Variants in RIF1 observed in about 807,000 individuals in gnomAD.
RIF1 encodes replication timing regulatory factor 1.
Under a neutral mutation model 247.1 loss-of-function variants are expected in RIF1, and 45 were observed. The observed-to-expected ratio is 0.18, with a 90% CI of 0.14 to 0.23. The LOEUF is 0.23. Among genes scored for constraint, RIF1 ranks in the 10% least tolerant of loss-of-function variants. The pLI is 1.00. For missense variants in RIF1, 2,967 were observed against 2,862.5 expected, an observed-to-expected ratio of 1.04 and a Z score of -0.83; for synonymous variants, 1,087 against 978.8, an observed-to-expected ratio of 1.11 and a Z score of -2.06.
chr2:151,461,878 T>C (rs1229520403), intron 27 of RIF1, among the ~76,000 whole-genome samples: 1 of 152,070 alleles, frequency 6.6e-6, no homozygotes, highest in African/African-American at 2.4e-5. Flanking sequence ...TTTTATGTTT[T>C]GTTTTATGTT....
chr2:151,446,742 C>A (rs1039463218), intron 20 of RIF1, among the ~76,000 whole-genome samples, 167 bp downstream of exon 20: 1 of 152,042 alleles, frequency 6.6e-6, no homozygotes, highest in African/African-American at 2.4e-5. Context: ...TGTCTTTGGG[C>A]TCTAAGATTC....
intron 34 of RIF1, among the ~76,000 whole-genome samples, chr2:151,473,292 C>CT (rs11305289): frequency 0.014 from 1,796 of 125,904 alleles, 25 homozygotes; most frequent in African/African-American, 0.032. Flanking sequence ...AAATTGTATC[C>CT]TTTTTTTTTT....
chr2:151,496,437 G>C, intron 10 of RIF1: 1 of 1,520,406 alleles, frequency 6.6e-7, no homozygotes. Flanking sequence ...GGTTTTAAGG[G>C]TAAGGTCAAC....
chr2:151,459,592 A>C (rs1233083505), intron 25 of RIF1, among the ~76,000 whole-genome samples: 1 of 152,208 alleles, frequency 6.6e-6, no homozygotes, highest in Non-Finnish European at 1.5e-5. Context: ...AAAGCTATAT[A>C]TTCTGTTGAG....
the RIF1 span, chr2:151,534,153 C>T: frequency 8.5e-7 from 1 of 1,181,370 alleles, no homozygotes; most frequent in Non-Finnish European, 1.2e-6. Flanking sequence ...GACGGGATGA[C>T]ATCTCATGAG....
At position 151,477,049 on chromosome 2, in the gene RIF1, G is replaced by A. The variant is rs554400878; in HGVS notation, c.*1978G>A. ...ATCACTGAATTTTATATAAGCACAAGTATTAATTTTAAAAACATTATAGTT... is the reference window on the plus strand; with the variant it reads ...ATCACTGAATTTTATATAAGCACAAATATTAATTTTAAAAACATTATAGTT... On this transcript the variant is annotated 3_prime_UTR_variant, in exon 36 of 36. Coordinates refer to ENST00000444746, the MANE Select transcript of RIF1 (RefSeq NM_018151.5). The A allele has an allele frequency of 3.3e-5, 5 of 152,142 alleles. No individual in the cohort carries two copies. The highest frequency in any genetic ancestry group is 1.2e-4 in the African/African-American group (5 of 41,432). 9.4% of individuals were successfully genotyped at this position (152,142 alleles called of 1,614,324 possible).
chr2:151,439,644 G>A (rs1357502896), intron 14 of RIF1, among the ~76,000 whole-genome samples: 1 of 149,868 alleles, frequency 6.7e-6, no homozygotes, highest in Non-Finnish European at 1.5e-5. Flanking sequence ...ACTCCAGCCT[G>A]GGCAATAAGA....
Position 151,464,978 on chromosome 2 carries a change from G to C in RIF1, c.5458G>C (p.Glu1820Gln). Residue 1820 changes from glutamate to glutamine, a missense_variant, in exon 30 of 36, where the codon GAA becomes CAA. Around this residue, in one of 7 missense-constraint regions of RIF1, gnomAD observed 2,028 missense variants for 1,825.6 expected, o/e 1.11. Transcript: ENST00000444746. ...SLIVSETKSK[E>Q]NTMQESLPSG... ...AATTGTTTCTGAAACCAAATCAAAA[G>C]AAAACACTATGCAAGAATCTCTTCC... 4 of 1,575,360 alleles carry C rather than the reference G, an allele frequency of 2.5e-6. No individual in the cohort carries two copies. Among genetic ancestry groups the C allele is most frequent in the Non-Finnish European group, 3.4e-6 (4 of 1,168,694 alleles).
chr2:151,523,700 C>T, the RIF1 span, among the ~76,000 whole-genome samples: 34 of 152,138 alleles, frequency 2.2e-4, no homozygotes, highest in Non-Finnish European at 5.9e-5. Context: ...CAACACATTT[C>T]TGAGTCCATT....
At chr2:151,450,776 G>C (rs923469269) in intron 20 of RIF1, among the ~76,000 whole-genome samples, 1 of 152,036 alleles carries the variant, frequency 6.6e-6, no homozygotes. Context: ...TAGAGACGGG[G>C]TTTCACCATG....
chr2:151,480,464 G>A lies in RIF1; in HGVS notation c.*5393G>A, dbSNP rs982717809. ...GAGACAAGCTGTCCTATATACTCCT[G>A]TATACTTCAGAAATAGCTGATAGCC... On this transcript the variant is annotated 3_prime_UTR_variant, in exon 36 of 36. Transcript: ENST00000444746. 3 of 152,116 alleles carry A rather than the reference G, an allele frequency of 2.0e-5. No individual in the cohort carries two copies. Among genetic ancestry groups the A allele is most frequent in the Non-Finnish European group, 4.4e-5 (3 of 68,002 alleles). 9.4% of individuals were successfully genotyped at this position (152,116 alleles called of 1,614,324 possible).
At chr2:151,491,479 C>T in intron 9 of RIF1, 1 of 468,710 alleles carries the variant, frequency 2.1e-6, no homozygotes, top group Non-Finnish European at 3.9e-6. Context: ...TGCACTGAGG[C>T]AGTGAAACAA....
At chr2:151,450,136 C>T (rs1387248721) in intron 20 of RIF1, among the ~76,000 whole-genome samples, 2 of 152,088 alleles carry the variant, frequency 1.3e-5, no homozygotes, top group East Asian at 3.9e-4. Context: ...GCCACCACAC[C>T]CAGCCTTTGA....
In RIF1 at chr2:151,463,291, T is replaced by A; in HGVS notation, c.3771T>A (p.Ile1257=). The A allele has an allele frequency of 6.2e-7, 1 of 1,612,732 alleles. No individual in the cohort carries two copies. The highest frequency in any genetic ancestry group is 8.5e-7 in the Non-Finnish European group (1 of 1,179,680). Residue 1257 remains isoleucine (I), a synonymous_variant, in exon 30 of 36, where the codon ATT becomes ATA. Coordinates refer to ENST00000444746, the MANE Select transcript of RIF1 (RefSeq NM_018151.5). ...TGAAAAATAACCAGGAAACCATGAT[T>A]AAAACAGATTTTCTACCAAAAGCAA... ...VTVKNNQETM[I]KTDFLPKAKQ...
Position 151,464,726 on chromosome 2 carries a change from G to A in RIF1, c.5206G>A (p.Gly1736Arg). 6.2e-7 allele frequency: 1 copy of A among 1,613,238 alleles called. No individual in the cohort carries two copies. Among genetic ancestry groups the A allele is most frequent in the South Asian group, 1.1e-5 (1 of 90,906 alleles). The part of the protein sequence containing the change: ...VRRSKGCDCC[G>R]EKSQPQEKSL... Reference sequence around the variant, plus strand: ...GAGATCTAAAGGTTGTGATTGCTGTGGGGAAAAATCACAACCTCAGGAAAA... The same window carrying A: ...GAGATCTAAAGGTTGTGATTGCTGTAGGGAAAAATCACAACCTCAGGAAAA... The change falls in exon 30 of 36, where the codon GGG becomes AGG. Residue 1736 changes from glycine (G) to arginine (R), a missense_variant. Physicochemically the swap from Gly to Arg is moderately radical, Grantham distance 125. Transcript: ENST00000444746.
chr2:151,530,806 G>A, the RIF1 span: 1 of 432,294 alleles, frequency 2.3e-6, no homozygotes, highest in Non-Finnish European at 4.1e-6. Flanking sequence ...CAGCAACATG[G>A]GGAGCAGGAC....
chr2:151,468,411 A>G (rs1697292731), intron 31 of RIF1, 63 bp from the exon 32 acceptor site: 1 of 1,329,556 alleles, frequency 7.5e-7, no homozygotes, highest in South Asian at 1.2e-5. Context: ...TAAGTTGTAA[A>G]AATTGTGAAA....
At chr2:151,505,056 A>G (rs1472633766) in intron 12 of RIF1, among the ~76,000 whole-genome samples, 2 of 152,184 alleles carry the variant, frequency 1.3e-5, no homozygotes, top group Non-Finnish European at 2.9e-5. Flanking sequence ...TGTCATACAT[A>G]CACACACACA....
At chr2:151,414,613 G>T (rs544628111) in intron 3 of RIF1, among the ~76,000 whole-genome samples, 1 of 152,114 alleles carries the variant, frequency 6.6e-6, no homozygotes, top group Non-Finnish European at 1.5e-5. Flanking sequence ...AGGTGATCTC[G>T]ATCCAGTTTC....
Sources: gnomAD v4.1 joint callset for allele counts (sites outside exome capture counted in the v4.1 genomes callset) on GRCh38, gnomAD v4.1.1 for gene constraint, gnomAD v4.1.1 regional missense constraint, MANE v1.5 for transcripts, NCBI Gene and HGNC (gene_info 2026-07-23, HGNC 2026-07-21) for gene names.